HS6ST3: variants seen among roughly 807,000 people sequenced by gnomAD.
The protein encoded by HS6ST3 is heparan sulfate 6-O-sulfotransferase 3, also known as heparan-sulfate 6-O-sulfotransferase 3.
A neutral mutation model predicts 36.7 loss-of-function variants in HS6ST3; 12 were observed. The observed-to-expected ratio is 0.33, with a 90% CI of 0.21 to 0.53. The LOEUF (loss-of-function observed/expected upper bound fraction) is 0.53. HS6ST3 is among the 20% of genes least tolerant of loss of function. The pLI is 0.95. For missense variants in HS6ST3, 584 were observed against 640.9 expected (o/e 0.91, Z 0.96); for synonymous variants, 240 against 257.5 (o/e 0.93, Z 0.65).
chr13:96,615,246 A>G (rs910575398), intron 1 of HS6ST3, among the ~76,000 whole-genome samples: 1 of 152,222 alleles, frequency 6.6e-6, no homozygotes, highest in Non-Finnish European at 1.5e-5. Context: ...GTATTGCTTC[A>G]GTTGACTGAC....
chr13:96,727,124 C>T (rs1374582753), intron 1 of HS6ST3, among the ~76,000 whole-genome samples: 1 of 152,112 alleles, frequency 6.6e-6, no homozygotes, highest in Non-Finnish European at 1.5e-5. Flanking sequence ...CTTTACTCAG[C>T]ACCTAATATT....
At chr13:96,687,055 C>A (rs1390731249) in intron 1 of HS6ST3, among the ~76,000 whole-genome samples, 1 of 149,722 alleles carries the variant, frequency 6.7e-6, no homozygotes, top group Non-Finnish European at 1.5e-5. Context: ...AAACACTGAG[C>A]AAATACCAAA....
At chr13:96,599,155 CT>C (rs1357003045) in intron 1 of HS6ST3, among the ~76,000 whole-genome samples, 1 of 151,508 alleles carries the variant, frequency 6.6e-6, no homozygotes, top group Non-Finnish European at 1.5e-5. Flanking sequence ...TCTTTTTGTC[CT>C]TTTCTGGGTT....
intron 1 of HS6ST3, among the ~76,000 whole-genome samples, chr13:96,112,613 A>G (rs867909517): frequency 4.5e-4 from 50 of 110,726 alleles, no homozygotes; most frequent in African/African-American, 1.6e-3. Context: ...ATATATATAT[A>G]TATATATATG....
intron 1 of HS6ST3, among the ~76,000 whole-genome samples, chr13:96,532,404 T>C (rs1173956819): frequency 6.6e-6 from 1 of 152,252 alleles, no homozygotes; most frequent in Non-Finnish European, 1.5e-5. Flanking sequence ...TTGCACACTC[T>C]CAACTCTTTA....
intron 1 of HS6ST3, among the ~76,000 whole-genome samples, chr13:96,560,843 T>C (rs76146586): frequency 0.013 from 2,026 of 152,074 alleles, 16 homozygotes; most frequent in Non-Finnish European, 0.023. Context: ...TTCTACAAGA[T>C]CTCTACATGG....
At chr13:96,410,050 C>G (rs2055499490) in intron 1 of HS6ST3, among the ~76,000 whole-genome samples, 1 of 152,052 alleles carries the variant, frequency 6.6e-6, no homozygotes, top group African/African-American at 2.4e-5. Context: ...TAATATCTTC[C>G]TCACATTCAT....
intron 1 of HS6ST3, among the ~76,000 whole-genome samples, chr13:96,354,576 A>T (rs541720267): frequency 6.6e-6 from 1 of 152,272 alleles, no homozygotes; most frequent in African/African-American, 2.4e-5. Flanking sequence ...TATATCTTCA[A>T]ATTTATGTCT....
At chr13:96,353,008 T>A (rs2055191201) in intron 1 of HS6ST3, among the ~76,000 whole-genome samples, 1 of 149,256 alleles carries the variant, frequency 6.7e-6, no homozygotes, top group South Asian at 2.1e-4. Context: ...TAACTCTAAG[T>A]GGAAAGAGGG....
chr13:96,265,274 A>G (rs2054686257), intron 1 of HS6ST3, among the ~76,000 whole-genome samples: 1 of 152,076 alleles, frequency 6.6e-6, no homozygotes, highest in South Asian at 2.1e-4. Flanking sequence ...CTCCTGGCTC[A>G]AGTGATCCTC....
At chr13:96,535,362 C>T (rs1161258908) in intron 1 of HS6ST3, among the ~76,000 whole-genome samples, 1 of 151,980 alleles carries the variant, frequency 6.6e-6, no homozygotes, top group Non-Finnish European at 1.5e-5. Flanking sequence ...CGAGACCATC[C>T]TGGCTAACAC....
At chr13:96,686,860 C>T (rs1332842097) in intron 1 of HS6ST3, among the ~76,000 whole-genome samples, 5 of 152,010 alleles carry the variant, frequency 3.3e-5, no homozygotes, top group South Asian at 2.1e-4. Flanking sequence ...CACTTTATTA[C>T]ACATCTGTTA....
chr13:96,377,543 A>AG (rs1168137123), intron 1 of HS6ST3, among the ~76,000 whole-genome samples: 1 of 152,212 alleles, frequency 6.6e-6, no homozygotes, highest in Non-Finnish European at 1.5e-5. Context: ...TAATAGCAGC[A>AG]GTTGTACAAA....
intron 1 of HS6ST3, among the ~76,000 whole-genome samples, chr13:96,720,462 T>C (rs1301758798): frequency 1.3e-5 from 2 of 152,162 alleles, no homozygotes; most frequent in Non-Finnish European, 2.9e-5. Flanking sequence ...TTGCACTAGC[T>C]TTATTTTGCT....
intron 1 of HS6ST3, among the ~76,000 whole-genome samples, chr13:96,547,760 G>A (rs1037976432): frequency 3.9e-5 from 6 of 152,132 alleles, no homozygotes; most frequent in African/African-American, 1.2e-4. Flanking sequence ...TATAAGTAAT[G>A]TGTTTACTGC....
At chr13:96,658,089 G>A (rs897100584) in intron 1 of HS6ST3, among the ~76,000 whole-genome samples, 1 of 151,888 alleles carries the variant, frequency 6.6e-6, no homozygotes, top group Non-Finnish European at 1.5e-5. Flanking sequence ...TATTCTTAAC[G>A]TTGACATAAA....
chr13:96,272,432 G>A (rs924723947), intron 1 of HS6ST3, among the ~76,000 whole-genome samples: 2 of 151,920 alleles, frequency 1.3e-5, no homozygotes, highest in South Asian at 4.1e-4. Context: ...CTGGTGATGA[G>A]TATAGGAATT....
intron 1 of HS6ST3, among the ~76,000 whole-genome samples, chr13:96,748,116 C>G (rs1040695841): frequency 6.6e-6 from 1 of 152,040 alleles, no homozygotes; most frequent in South Asian, 2.1e-4. Flanking sequence ...AACAAATACT[C>G]CCCATATGGC....
chr13:96,177,127 C>T (rs887654704), intron 1 of HS6ST3, among the ~76,000 whole-genome samples: 2 of 152,106 alleles, frequency 1.3e-5, no homozygotes, highest in Non-Finnish European at 2.9e-5. Context: ...ATAACAGATG[C>T]GGGTGAGGTT....
Sources: allele counts gnomAD v4.1 joint callset (sites outside exome capture counted in the v4.1 genomes callset), GRCh38; gene constraint gnomAD v4.1.1; transcripts MANE v1.5; gene names NCBI Gene and HGNC (gene_info 2026-07-23, HGNC 2026-07-21).